Variants in RXFP1 observed in about 807,000 individuals in gnomAD.
The protein encoded by RXFP1 is relaxin receptor 1.
RXFP1 carries 73 observed loss-of-function variants against 89.8 expected under a neutral mutation model. That is an observed-to-expected ratio of 0.81 (90% CI 0.67 to 0.99). The LOEUF (loss-of-function observed/expected upper bound fraction) is 0.99. Ranked by LOEUF, RXFP1 falls within the 50% of genes least tolerant of loss-of-function variation. The probability of loss-of-function intolerance (pLI) is 0.00; values close to 1 mark genes in which losing one functional copy is unlikely to be tolerated. For synonymous variants in RXFP1, 277 were observed against 305.5 expected (o/e 0.91, Z 0.97); for missense variants, 793 against 895.5 (o/e 0.89, Z 1.46).
intron 1 of RXFP1, among the ~76,000 whole-genome samples, chr4:158,541,637 C>T (rs1746662534): frequency 6.6e-6 from 1 of 152,086 alleles, no homozygotes; most frequent in Non-Finnish European, 1.5e-5. Context: ...TGGATTCACT[C>T]ATAGTTAACA....
intron 4 of RXFP1, among the ~76,000 whole-genome samples, chr4:158,601,185 G>A (rs1368933961): frequency 6.6e-6 from 1 of 151,984 alleles, no homozygotes; most frequent in Non-Finnish European, 1.5e-5. Flanking sequence ...GATGTGGGCA[G>A]AAAGCTGTGA....
intron 1 of RXFP1, among the ~76,000 whole-genome samples, chr4:158,530,147 C>T (rs996910816): frequency 2.0e-5 from 3 of 152,136 alleles, no homozygotes; most frequent in African/African-American, 7.2e-5. Context: ...TAAAATAGAA[C>T]ATGCAAATAG....
rs150867045 is a variant in RXFP1 at position 158,646,180 on chromosome 4, T to C, written c.1346-611T>C. On this transcript the variant is annotated intron_variant, in intron 15 of 17. Coordinates refer to ENST00000307765, the MANE Select transcript of RXFP1 (RefSeq NM_021634.4). ...GACCCTAAAAAGAGACAGAAAAAGA[T>C]GTAAAAATTGAAAGAGAGAGAAAAC... 5.1e-3 allele frequency: 1,443 copies of C among 284,242 alleles called. 23 individuals are homozygous for C. The highest frequency in any genetic ancestry group is 0.03 in the African/African-American group (1,342 of 44,052). 17.6% of individuals were successfully genotyped at this position (284,242 alleles called of 1,614,324 possible). A position where few individuals can be genotyped will look rare whatever the true frequency, so the allele number is the denominator to read the frequency against.
intron 1 of RXFP1, among the ~76,000 whole-genome samples, chr4:158,558,196 T>C (rs1751715130): frequency 6.6e-6 from 1 of 152,198 alleles, no homozygotes; most frequent in Non-Finnish European, 1.5e-5. Context: ...GCAGGAAAAA[T>C]TATTCAAATG....
intron 1 of RXFP1, among the ~76,000 whole-genome samples, chr4:158,567,175 C>T (rs1435629462): frequency 6.6e-6 from 1 of 152,202 alleles, no homozygotes; most frequent in Non-Finnish European, 1.5e-5. Flanking sequence ...ATGCCTGAGC[C>T]TCCCTCTCAC....
chr4:158,591,092 G>A (rs569849028), intron 2 of RXFP1, among the ~76,000 whole-genome samples: 10 of 152,166 alleles, frequency 6.6e-5, no homozygotes, highest in Admixed American at 3.3e-4. Flanking sequence ...ACAAGAGTGC[G>A]TCCAATTGGT....
intron 1 of RXFP1, among the ~76,000 whole-genome samples, chr4:158,560,910 TC>T (rs1161709592): frequency 1.3e-5 from 2 of 152,210 alleles, no homozygotes; most frequent in Non-Finnish European, 2.9e-5. Flanking sequence ...TATTTTGCTT[TC>T]CAACTTCTTT....
chr4:158,529,244 T>TTTTTTTG (rs756051922), intron 1 of RXFP1, among the ~76,000 whole-genome samples: 68 of 110,044 alleles, frequency 6.2e-4, no homozygotes, highest in South Asian at 3.7e-3. Flanking sequence ...TTGCTTGTTT[T>TTTTTTTG]TTGTTGTTGT....
intron 17 of RXFP1, among the ~76,000 whole-genome samples, chr4:158,650,450 T>TATATATAA (rs1554027234): frequency 4.7e-5 from 7 of 149,548 alleles, no homozygotes; most frequent in Admixed American, 3.4e-4. Context: ...TATATATATA[T>TATATATAA]AATGCAGTTT....
At position 158,644,461 on chromosome 4, in the gene RXFP1, T is replaced by A. The variant is rs946944973; in HGVS notation, c.1116-448T>A. On this transcript the variant is annotated intron_variant, in intron 14 of 17. Coordinates refer to ENST00000307765, the MANE Select transcript of RXFP1 (RefSeq NM_021634.4). Reference sequence around the variant, plus strand: ...TTCTTTCATTGGTGTTGAAATAACATCATAACTTCAATAACAAAAAGCCAC... The same window carrying A: ...TTCTTTCATTGGTGTTGAAATAACAACATAACTTCAATAACAAAAAGCCAC... Among the ~76,000 whole-genome samples the A allele has an allele frequency of 8.5e-5, 13 of 152,212 alleles. No individual in the cohort carries two copies. The East Asian group carries it at 2.3e-3, about 27-fold the overall frequency.
intron 2 of RXFP1, among the ~76,000 whole-genome samples, chr4:158,576,621 A>G (rs1364087987): frequency 6.6e-6 from 1 of 152,180 alleles, no homozygotes; most frequent in African/African-American, 2.4e-5. Context: ...CAGCAGAGAT[A>G]CATTAGAATC....
At chr4:158,523,060 A>C (rs1741574702) in intron 1 of RXFP1, among the ~76,000 whole-genome samples, 2 of 152,168 alleles carry the variant, frequency 1.3e-5, no homozygotes, top group African/African-American at 4.8e-5. Context: ...AAACCACAGA[A>C]ACTATTCAGA....
chr4:158,617,894 A>G (rs1764901390), intron 9 of RXFP1, among the ~76,000 whole-genome samples: 1 of 152,192 alleles, frequency 6.6e-6, no homozygotes. Context: ...CTCATAGCAG[A>G]TTACAAATGT....
In RXFP1 at chr4:158,550,984, A is replaced by G. The variant is rs145997126; in HGVS notation, c.50-21714A>G. ...ATATTAAATGCTCTAAAACATGAAG[A>G]AAAAAAAAAGCAACTACTGACCAAC... On this transcript the variant is annotated intron_variant, in intron 1 of 17. Transcript: ENST00000307765. 2.2e-3 allele frequency among the ~76,000 whole-genome samples: 327 copies of G among 149,992 alleles called. 3 individuals carry two copies. The highest frequency in any genetic ancestry group is 7.8e-3 in the African/African-American group (319 of 40,972).
chr4:158,616,040 A>G (rs1471045435), intron 8 of RXFP1, among the ~76,000 whole-genome samples: 2 of 152,256 alleles, frequency 1.3e-5, no homozygotes, highest in Non-Finnish European at 2.9e-5. Flanking sequence ...GAGAAATGGC[A>G]TTCATAGACT....
intron 11 of RXFP1, among the ~76,000 whole-genome samples, chr4:158,629,030 GT>G (rs1157224161): frequency 1.3e-5 from 2 of 150,980 alleles, no homozygotes; most frequent in African/African-American, 4.9e-5. Flanking sequence ...TTTATGGGGG[GT>G]TTTTTGTTTT....
intron 5 of RXFP1, among the ~76,000 whole-genome samples, chr4:158,607,406 A>G (rs915648327): frequency 2.0e-5 from 3 of 152,214 alleles, no homozygotes; most frequent in African/African-American, 4.8e-5. Flanking sequence ...TGTCAAATTA[A>G]TGAGATCAAA....
At chr4:158,578,052 C>T (rs976897008) in intron 2 of RXFP1, among the ~76,000 whole-genome samples, 3 of 151,960 alleles carry the variant, frequency 2.0e-5, no homozygotes, top group Non-Finnish European at 2.9e-5. Context: ...CATATGAATC[C>T]TTTTTTCTAA....
chr4:158,635,510 A>G (rs1768962878), intron 12 of RXFP1, among the ~76,000 whole-genome samples: 1 of 151,928 alleles, frequency 6.6e-6, no homozygotes, highest in Admixed American at 6.6e-5. Flanking sequence ...CCTGCCTTTC[A>G]CTTTTTTTTC....
Sources: gnomAD v4.1 joint callset for allele counts (sites outside exome capture counted in the v4.1 genomes callset) on GRCh38, gnomAD v4.1.1 for gene constraint, MANE v1.5 for transcripts, NCBI Gene and HGNC (gene_info 2026-07-23, HGNC 2026-07-21) for gene names.